Variants in NHSL3 observed in about 807,000 individuals in gnomAD.
NHSL3 encodes the protein NHS like 3.
chr1:32,762,444 TA>T, the NHSL3 span, among the ~76,000 whole-genome samples: 1 of 149,468 alleles, frequency 6.7e-6, no homozygotes, highest in African/African-American at 2.4e-5. Context: ...TTTTTTTTTT[TA>T]AGCTTTATTT....
chr1:32,766,153 T>C, the NHSL3 span, among the ~76,000 whole-genome samples: 1 of 151,982 alleles, frequency 6.6e-6, no homozygotes, highest in Non-Finnish European at 1.5e-5. Flanking sequence ...TAGCCTTTCC[T>C]AGTGTGCCGG....
chr1:32,760,507 G>C, the NHSL3 span, among the ~76,000 whole-genome samples: 1 of 152,040 alleles, frequency 6.6e-6, no homozygotes, highest in African/African-American at 2.4e-5. Flanking sequence ...GGCAGGCCCT[G>C]TGTGGGTCTG....
chr1:32,772,456 G>T, the NHSL3 span: 1 of 1,514,318 alleles, frequency 6.6e-7, no homozygotes, highest in South Asian at 1.3e-5. Context: ...AGTGGGCAGT[G>T]CTAGGGTGAG....
At chr1:32,767,873 G>T in the NHSL3 span, 2 of 1,614,016 alleles carry the variant, frequency 1.2e-6, no homozygotes, top group Non-Finnish European at 1.7e-6. Flanking sequence ...CCAGGACAAC[G>T]TCTTCTTTCC....
the NHSL3 span, chr1:32,772,219 G>A: frequency 6.2e-7 from 1 of 1,609,396 alleles, no homozygotes; most frequent in Non-Finnish European, 8.5e-7. Flanking sequence ...GCCACCCCAG[G>A]CCCCAAAGAA....
chr1:32,762,824 G>A, the NHSL3 span, among the ~76,000 whole-genome samples: 3 of 151,790 alleles, frequency 2.0e-5, no homozygotes, highest in Admixed American at 1.3e-4. Flanking sequence ...TCCTGACCTC[G>A]TGATCCACCC....
the NHSL3 span, chr1:32,741,998 C>G: frequency 1.1e-5 from 13 of 1,207,880 alleles, no homozygotes; most frequent in Non-Finnish European, 1.3e-5. The surrounding 1 kb of genome is among the most constrained non-coding windows in gnomAD (Gnocchi z 4.3). Context: ...GCCGAGGAGC[C>G]GGGGAACCCG....
At chr1:32,774,034 G>A in the NHSL3 span, 1 of 152,636 alleles carries the variant, frequency 6.6e-6, no homozygotes, top group Non-Finnish European at 1.5e-5. Context: ...GCTGGGTGGT[G>A]GTCCCCTAGG....
chr1:32,748,341 T>C, the NHSL3 span, among the ~76,000 whole-genome samples: 1 of 152,028 alleles, frequency 6.6e-6, no homozygotes, highest in African/African-American at 2.4e-5. Context: ...ATGAACAATG[T>C]CATTTCTCTC....
the NHSL3 span, among the ~76,000 whole-genome samples, chr1:32,746,671 T>C: frequency 6.6e-6 from 1 of 152,132 alleles, no homozygotes; most frequent in Admixed American, 6.6e-5. Flanking sequence ...CTGTTCAAGG[T>C]GATGTGAATG....
the NHSL3 span, among the ~76,000 whole-genome samples, chr1:32,755,134 A>T: frequency 1.3e-5 from 2 of 152,210 alleles, no homozygotes; most frequent in Admixed American, 6.5e-5. Context: ...GCGGCAGTTC[A>T]GGGTATCCCC....
the NHSL3 span, among the ~76,000 whole-genome samples, chr1:32,755,056 T>TGGGGA: frequency 6.6e-6 from 1 of 151,780 alleles, no homozygotes; most frequent in Non-Finnish European, 1.5e-5. Flanking sequence ...CAGGCTCCAA[T>TGGGGA]GGGGAGGGGA....
the NHSL3 span, chr1:32,770,080 C>T: frequency 2.9e-4 from 450 of 1,559,094 alleles, no homozygotes; most frequent in Non-Finnish European, 3.8e-4. This position sits in a 1 kb window ranked among gnomAD's most constrained non-coding sequence, Gnocchi z 8.3. Flanking sequence ...CCGTGTCTAC[C>T]GGGATGACAC....
the NHSL3 span, among the ~76,000 whole-genome samples, chr1:32,746,875 T>C: frequency 6.6e-6 from 1 of 151,930 alleles, no homozygotes; most frequent in Non-Finnish European, 1.5e-5. Flanking sequence ...GGGAAAGGGG[T>C]ATGTAGTCCT....
the NHSL3 span, among the ~76,000 whole-genome samples, chr1:32,755,309 C>T: frequency 1.3e-5 from 2 of 152,136 alleles, no homozygotes; most frequent in African/African-American, 4.8e-5. Flanking sequence ...GTGAGGAAAT[C>T]CCAGAGGAGG....
At chr1:32,771,698 C>T in the NHSL3 span, 15 of 1,611,994 alleles carry the variant, frequency 9.3e-6, no homozygotes, top group South Asian at 1.1e-4. Context: ...CCAGCTCCGC[C>T]AGCCCCAGCT....
At chr1:32,755,658 G>T in the NHSL3 span, among the ~76,000 whole-genome samples, 12 of 152,190 alleles carry the variant, frequency 7.9e-5, no homozygotes, top group Admixed American at 7.2e-4. Flanking sequence ...AGGAAAGAGG[G>T]ACTTGTCCAA....
the NHSL3 span, among the ~76,000 whole-genome samples, chr1:32,743,028 A>C: frequency 6.6e-6 from 1 of 152,230 alleles, no homozygotes; most frequent in Admixed American, 6.5e-5. Flanking sequence ...AAGGCGGGGA[A>C]GCCGACCTGG....
chr1:32,764,263 A>G, the NHSL3 span, among the ~76,000 whole-genome samples: 1 of 146,304 alleles, frequency 6.8e-6, no homozygotes, highest in Non-Finnish European at 1.5e-5. Context: ...AGTCTTCACT[A>G]CCCAAAATTA....
Sources: gnomAD v4.1 joint callset for allele counts (sites outside exome capture counted in the v4.1 genomes callset) on GRCh38, gnomAD v4.1.1 for gene constraint, Gnocchi (gnomAD v3.1) non-coding constraint, MANE v1.5 for transcripts, NCBI Gene and HGNC (gene_info 2026-07-23, HGNC 2026-07-21) for gene names.